The following ANKS1B variants were observed in gnomAD, a reference collection of about 807,000 sequenced individuals.
ANKS1B encodes the protein ankyrin repeat and sterile alpha motif domain containing 1B, also known as ankyrin repeat and sterile alpha motif domain-containing protein 1B.
ANKS1B carries 36 observed loss-of-function variants against 148.3 expected under a neutral mutation model. That is an observed-to-expected ratio of 0.24 (90% CI 0.19 to 0.32). The LOEUF is 0.32. Ranked by LOEUF, ANKS1B falls within the 10% of genes least tolerant of loss-of-function variation. The pLI is 1.00. For missense variants in ANKS1B, 1,157 were observed against 1,542.6 expected (o/e 0.75, Z 4.19); for synonymous variants, 542 against 560.8 (o/e 0.97, Z 0.47).
At chr12:99,085,101 G>C (rs997857009) in intron 15 of ANKS1B, 78 bp from the exon 16 acceptor site, 1 of 1,239,550 alleles carries the variant, frequency 8.1e-7, no homozygotes, top group Non-Finnish European at 1.1e-6. Flanking sequence ...ATTTAATACA[G>C]AGAAAACCAG....
chr12:99,555,193 G>GA (rs2089426538), intron 9 of ANKS1B, among the ~76,000 whole-genome samples: 4 of 152,072 alleles, frequency 2.6e-5, no homozygotes, highest in Admixed American at 6.6e-5. Context: ...ATTACTGCGT[G>GA]AAATGGTAGC....
intron 12 of ANKS1B, among the ~76,000 whole-genome samples, chr12:99,369,422 A>G (rs2092959495): frequency 6.6e-6 from 1 of 152,196 alleles, no homozygotes; most frequent in Non-Finnish European, 1.5e-5. Flanking sequence ...GGACTGTTCT[A>G]GACTTAAAGA....
intron 17 of ANKS1B, among the ~76,000 whole-genome samples, chr12:99,023,660 T>C (rs1202786246): frequency 6.6e-6 from 1 of 151,972 alleles, no homozygotes; most frequent in Admixed American, 6.6e-5. Flanking sequence ...TTTAATCAAA[T>C]CAATTAAAGT....
At chr12:99,503,480 T>C (rs1280386829) in intron 10 of ANKS1B, among the ~76,000 whole-genome samples, 1 of 152,188 alleles carries the variant, frequency 6.6e-6, no homozygotes, top group Non-Finnish European at 1.5e-5. Context: ...TTCTTTTTAT[T>C]CTTTATCTTC....
chr12:99,052,361 A>G (rs1422950063), intron 17 of ANKS1B, among the ~76,000 whole-genome samples: 1 of 152,236 alleles, frequency 6.6e-6, no homozygotes, highest in African/African-American at 2.4e-5. Flanking sequence ...TAAAATTTTG[A>G]TAATACAGCA....
At chr12:99,558,074 A>T (rs1365344840) in intron 9 of ANKS1B, among the ~76,000 whole-genome samples, 1 of 152,182 alleles carries the variant, frequency 6.6e-6, no homozygotes, top group Non-Finnish European at 1.5e-5. Flanking sequence ...ACAACGCTAC[A>T]ATGGAGAGTG....
At chr12:99,220,666 CT>C (rs961181030) in intron 14 of ANKS1B, among the ~76,000 whole-genome samples, 6 of 151,728 alleles carry the variant, frequency 4.0e-5, no homozygotes, top group African/African-American at 1.5e-4. Context: ...CCAGGATGGT[CT>C]GGATCTCCTG....
At chr12:99,594,879 C>G (rs925444098) in intron 9 of ANKS1B, among the ~76,000 whole-genome samples, 5 of 147,264 alleles carry the variant, frequency 3.4e-5, no homozygotes, top group African/African-American at 1.0e-4. Flanking sequence ...AGTGTTCTTA[C>G]TATAATAAAA....
intron 17 of ANKS1B, among the ~76,000 whole-genome samples, chr12:99,006,870 T>C (rs2099936445): frequency 6.6e-6 from 1 of 152,192 alleles, no homozygotes; most frequent in Non-Finnish European, 1.5e-5. Flanking sequence ...CCATTATCCA[T>C]ATGAGGAAAG....
intron 17 of ANKS1B, among the ~76,000 whole-genome samples, chr12:98,892,027 T>C (rs2099753838): frequency 6.6e-6 from 1 of 152,252 alleles, no homozygotes. Context: ...TGATCGTTAA[T>C]GACTTTAATC....
intron 10 of ANKS1B, among the ~76,000 whole-genome samples, chr12:99,472,311 T>C (rs1197389321): frequency 6.6e-6 from 1 of 152,142 alleles, no homozygotes; most frequent in Non-Finnish European, 1.5e-5. Context: ...GTTTCTTCCA[T>C]CATTTCTTCA....
At chr12:99,899,469 C>A (rs1327748854) in intron 1 of ANKS1B, among the ~76,000 whole-genome samples, 1 of 152,036 alleles carries the variant, frequency 6.6e-6, no homozygotes, top group Admixed American at 6.5e-5. Context: ...TCTGTTACCC[C>A]TACAAGTTTA....
rs146052086 is a variant in ANKS1B at position 99,704,068 on chromosome 12, G to A, written c.1129-48858C>T. Among the ~76,000 whole-genome samples, 324 of 152,218 alleles carry A rather than the reference G, an allele frequency of 2.1e-3. 1 individual carries two copies. The highest frequency in any genetic ancestry group is 7.2e-3 in the African/African-American group (299 of 41,546). ...AGTTAATTTCAAGCTTGACTTTGCTGTAGGCCCAAAGTTTATAACTTGTTC... is the reference window on the plus strand; with the variant it reads ...AGTTAATTTCAAGCTTGACTTTGCTATAGGCCCAAAGTTTATAACTTGTTC... On this transcript the variant is annotated intron_variant, in intron 8 of 26. Transcript: ENST00000683438.
At chr12:98,943,818 G>T (rs115967842) in intron 17 of ANKS1B, among the ~76,000 whole-genome samples, 288 of 152,292 alleles carry the variant, frequency 1.9e-3, no homozygotes, top group African/African-American at 6.6e-3. Flanking sequence ...AGACATCTTT[G>T]GGAGTTGATA....
chr12:99,397,022 C>G (rs1348872101), intron 12 of ANKS1B, among the ~76,000 whole-genome samples: 2 of 151,926 alleles, frequency 1.3e-5, no homozygotes, highest in Non-Finnish European at 2.9e-5. Flanking sequence ...GTCCACATAC[C>G]ACTATTTTTT....
At chr12:98,835,097 A>AATTATTATT (rs72558205) in intron 17 of ANKS1B, among the ~76,000 whole-genome samples, 10,292 of 148,830 alleles carry the variant, frequency 0.069, 384 homozygotes, top group African/African-American at 0.074. Flanking sequence ...ACATTTGCTT[A>AATTATTATT]ATTATTATTA....
intron 9 of ANKS1B, among the ~76,000 whole-genome samples, chr12:99,584,371 G>A (rs2097603316): frequency 6.6e-6 from 1 of 152,180 alleles, no homozygotes; most frequent in African/African-American, 2.4e-5. Context: ...AAGCCGAGGA[G>A]GGAGGACTGC....
chr12:99,852,234 A>C (rs186519481), intron 1 of ANKS1B, among the ~76,000 whole-genome samples: 2 of 152,330 alleles, frequency 1.3e-5, no homozygotes, highest in African/African-American at 4.8e-5. Context: ...ACATGCTTCC[A>C]AGTGACCAAA....
At chr12:99,865,232 G>A (rs547929897) in intron 1 of ANKS1B, among the ~76,000 whole-genome samples, 5 of 152,252 alleles carry the variant, frequency 3.3e-5, no homozygotes, top group African/African-American at 7.2e-5. Flanking sequence ...TTACTTCAAC[G>A]GGAAAAGAAT....
Sources: allele counts gnomAD v4.1 joint callset (sites outside exome capture counted in the v4.1 genomes callset), GRCh38; gene constraint gnomAD v4.1.1; transcripts MANE v1.5; gene names NCBI Gene and HGNC (gene_info 2026-07-23, HGNC 2026-07-21).